PAWR: variants seen among roughly 807,000 people sequenced by gnomAD.
The protein encoded by PAWR is PRKC apoptosis WT1 regulator protein.
PAWR carries 23 observed loss-of-function variants against 32.0 expected under a neutral mutation model. That is an observed-to-expected ratio of 0.72 (90% CI 0.52 to 1.02). The LOEUF (loss-of-function observed/expected upper bound fraction) is 1.02, where lower values mean the gene tolerates loss of function less well. PAWR is among the 50% of genes least tolerant of loss of function. The pLI is 0.00. For synonymous variants in PAWR, 226 were observed against 187.1 expected, an observed-to-expected ratio of 1.21 and a Z score of -1.70; for missense variants, 457 against 437.7, an observed-to-expected ratio of 1.04 and a Z score of -0.39.
At chr12:79,628,766 T>C (rs1472848979) in intron 2 of PAWR, among the ~76,000 whole-genome samples, 3 of 152,090 alleles carry the variant, frequency 2.0e-5, no homozygotes, top group East Asian at 1.9e-4. Context: ...ATTTCTTATT[T>C]TGGTATCTCC....
chr12:79,641,892 C>G (rs1456854256), intron 2 of PAWR, among the ~76,000 whole-genome samples: 1 of 122,146 alleles, frequency 8.2e-6, no homozygotes, highest in Non-Finnish European at 1.8e-5. Context: ...TGATTTACTA[C>G]AGAAAGCTAC....
At position 79,690,363 on chromosome 12, in the gene PAWR, G is replaced by T. The variant is rs894009885; in HGVS notation, c.-119C>A. 119 of 1,350,002 alleles carry T rather than the reference G, an allele frequency of 8.8e-5. No individual in the cohort carries two copies. The highest frequency in any genetic ancestry group is 1.1e-4 in the Non-Finnish European group (118 of 1,055,652). 83.6% of individuals were successfully genotyped at this position (1,350,002 alleles called of 1,614,324 possible). On this transcript the variant is annotated 5_prime_UTR_variant, in exon 2 of 7. Coordinates refer to ENST00000328827, the MANE Select transcript of PAWR (RefSeq NM_002583.4). ...AGGAGACGACCTCCAGGAGAGGGAC[G>T]GCCGCCGCTCCCACAGCAGCCGGCG...
chr12:79,677,554 G>A (rs1337849083), intron 2 of PAWR, among the ~76,000 whole-genome samples: 4 of 152,084 alleles, frequency 2.6e-5, no homozygotes, highest in Admixed American at 2.6e-4. Context: ...AAATAAAAAT[G>A]GAAGAAAATT....
At chr12:79,655,017 G>A (rs574352481) in intron 2 of PAWR, among the ~76,000 whole-genome samples, 1 of 152,256 alleles carries the variant, frequency 6.6e-6, no homozygotes, top group East Asian at 1.9e-4. Flanking sequence ...AATTCTTTCA[G>A]CTCGCTAAGC....
At chr12:79,626,348 C>A (rs1875318023) in intron 2 of PAWR, among the ~76,000 whole-genome samples, 3 of 149,346 alleles carry the variant, frequency 2.0e-5, no homozygotes, top group Non-Finnish European at 4.5e-5. Flanking sequence ...CAAGCTCCGC[C>A]TCCCAGGTTC....
chr12:79,686,453 C>T (rs919600253), intron 2 of PAWR, among the ~76,000 whole-genome samples: 1 of 152,166 alleles, frequency 6.6e-6, no homozygotes, highest in Non-Finnish European at 1.5e-5. Context: ...GTTGTTATCA[C>T]TGACTCACAT....
At chr12:79,677,421 AAAC>A (rs1328662773) in intron 2 of PAWR, among the ~76,000 whole-genome samples, 4 of 152,192 alleles carry the variant, frequency 2.6e-5, no homozygotes, top group African/African-American at 7.2e-5. Context: ...AGTGTTTATG[AAAC>A]AACAAAAAAA....
Position 79,592,501 on chromosome 12 carries a change from C to A in PAWR, c.*106G>T. 3.5e-6 allele frequency: 2 copies of A among 566,396 alleles called. No homozygotes were observed. Among genetic ancestry groups the A allele is most frequent in the Non-Finnish European group, 6.2e-6 (2 of 321,812 alleles). 35.1% of individuals were successfully genotyped at this position (566,396 alleles called of 1,614,324 possible). ...TGTTTGCTAGAAATAAATATACTTG[C>A]TTAGTTATTTTAATGTATTGCAGCA... is the stretch of plus-strand genomic sequence containing the variant. On this transcript the variant is annotated 3_prime_UTR_variant, in exon 7 of 7. Coordinates refer to ENST00000328827, the MANE Select transcript of PAWR (RefSeq NM_002583.4).
intron 2 of PAWR, among the ~76,000 whole-genome samples, chr12:79,634,800 G>C (rs1555236996): frequency 1.3e-5 from 2 of 151,944 alleles, no homozygotes; most frequent in Non-Finnish European, 1.5e-5. Flanking sequence ...ACTATGGGTT[G>C]ATGATTATTA....
chr12:79,610,315 A>G (rs1165807051), intron 4 of PAWR, among the ~76,000 whole-genome samples: 1 of 152,216 alleles, frequency 6.6e-6, no homozygotes, highest in African/African-American at 2.4e-5. Flanking sequence ...ACTGTATATA[A>G]GCAAAGGTAA....
chr12:79,602,885 A>G (rs895430033), intron 4 of PAWR, among the ~76,000 whole-genome samples: 3 of 151,396 alleles, frequency 2.0e-5, no homozygotes, highest in African/African-American at 7.3e-5. Context: ...AAGTGAAGTC[A>G]TCGGAGTGAA....
At chr12:79,622,504 G>A (rs1875074117) in intron 2 of PAWR, among the ~76,000 whole-genome samples, 1 of 152,074 alleles carries the variant, frequency 6.6e-6, no homozygotes, top group Non-Finnish European at 1.5e-5. Context: ...TCCTCACCCT[G>A]TGTCCAAGTG....
At chr12:79,661,571 TAAG>T (rs1450920691) in intron 2 of PAWR, among the ~76,000 whole-genome samples, 1 of 152,192 alleles carries the variant, frequency 6.6e-6, no homozygotes, top group African/African-American at 2.4e-5. Flanking sequence ...TTTTAAGCCG[TAAG>T]AAGATAGTTT....
chr12:79,689,856 G>A lies in PAWR; in HGVS notation c.389C>T (p.Pro130Leu), dbSNP rs1039107375. Residue 130 changes from proline (P) to leucine (L), a missense_variant, in exon 2 of 7, where the codon CCG (proline) becomes CTG (leucine). By Grantham distance (98) the Pro-to-Leu change is moderately conservative. Coordinates refer to ENST00000328827, the MANE Select transcript of PAWR (RefSeq NM_002583.4). ...CTTGCCCTTCTCTGGGACGCCGTCCGGCTCCTCCTCGTCACGCTGGGGCGG... is the reference window on the plus strand; with the variant it reads ...CTTGCCCTTCTCTGGGACGCCGTCCAGCTCCTCCTCGTCACGCTGGGGCGG... ...APPPQRDEEE[P>L]DGVPEKGKSS... is the part of the protein sequence containing the mutation. The A allele has an allele frequency of 3.2e-6, 5 of 1,580,386 alleles. No homozygotes were observed. The highest frequency in any genetic ancestry group is 2.6e-6 in the Non-Finnish European group (3 of 1,164,386).
chr12:79,632,361 ATTT>A (rs755937992), intron 2 of PAWR, among the ~76,000 whole-genome samples: 1 of 20,602 alleles, frequency 4.9e-5, no homozygotes, highest in Non-Finnish European at 7.7e-5. Flanking sequence ...ATATATATAT[ATTT>A]TTTTTTTTTT....
intron 2 of PAWR, among the ~76,000 whole-genome samples, chr12:79,688,646 G>A (rs2136901698): frequency 6.6e-6 from 1 of 152,102 alleles, no homozygotes; most frequent in East Asian, 1.9e-4. Flanking sequence ...GACACACTAT[G>A]ATTTAACAGG....
At chr12:79,688,178 C>T (rs1253075030) in intron 2 of PAWR, among the ~76,000 whole-genome samples, 1 of 151,402 alleles carries the variant, frequency 6.6e-6, no homozygotes, top group Admixed American at 6.6e-5. Context: ...TTCTTAGGAT[C>T]TCACAAGATA....
At chr12:79,594,047 C>T (rs910734478) in intron 6 of PAWR, among the ~76,000 whole-genome samples, 1 of 152,042 alleles carries the variant, frequency 6.6e-6, no homozygotes, top group African/African-American at 2.4e-5. Flanking sequence ...AGTGCCCTTA[C>T]ATATGGTAGT....
chr12:79,665,775 C>T (rs997536479), intron 2 of PAWR, among the ~76,000 whole-genome samples: 6 of 152,082 alleles, frequency 3.9e-5, no homozygotes, highest in Admixed American at 1.3e-4. Flanking sequence ...GCCTCAAGAG[C>T]GCTCAAGTTT....
Sources: allele counts gnomAD v4.1 joint callset (sites outside exome capture counted in the v4.1 genomes callset), GRCh38; gene constraint gnomAD v4.1.1; transcripts MANE v1.5; gene names NCBI Gene and HGNC (gene_info 2026-07-23, HGNC 2026-07-21).